RAPSN: variants seen among roughly 807,000 people sequenced by gnomAD.
The protein encoded by RAPSN is 43 kDa receptor-associated protein of the synapse.
A neutral mutation model predicts 45.7 loss-of-function variants in RAPSN; 33 were observed. That is an observed-to-expected ratio of 0.72 (90% CI 0.55 to 0.97). RAPSN has a LOEUF of 0.97. Among genes scored for constraint, RAPSN ranks in the 50% least tolerant of loss-of-function variants. RAPSN has a pLI of 0.00. For missense variants in RAPSN, 519 were observed against 559.4 expected, an observed-to-expected ratio of 0.93 and a Z score of 0.73; for synonymous variants, 244 against 233.6, an observed-to-expected ratio of 1.04 and a Z score of -0.40.
chr11:47,439,712 AT>A lies in RAPSN; in HGVS notation c.967-782del, dbSNP rs3972616. Among the ~76,000 whole-genome samples the A allele has an allele frequency of 1.2e-3, 152 of 127,256 alleles. 1 individual carries two copies. Among genetic ancestry groups the A allele is most frequent in the Middle Eastern group, 4.1e-3 (1 of 246 alleles). 83.5% of individuals were successfully genotyped at this position (127,256 alleles called of 152,430 possible). On this transcript the variant is annotated intron_variant, in intron 6 of 7. Coordinates refer to ENST00000298854, the MANE Select transcript of RAPSN (RefSeq NM_005055.5). ...TTAAGGTTTTAATAAGATTATGACG[AT>A]TTTTTTTTTTTTTTTTTTAGATGGA...
intron 6 of RAPSN, 121 bp downstream of exon 6, chr11:47,441,038 G>A: frequency 7.7e-7 from 1 of 1,293,848 alleles, no homozygotes; most frequent in Non-Finnish European, 1.1e-6. Flanking sequence ...GTTGGCTGCA[G>A]GCAGCTCCCA....
In RAPSN at chr11:47,437,907, G is replaced by T; in HGVS notation, c.*68C>A. The T allele has an allele frequency of 6.5e-7, 1 of 1,538,048 alleles. No homozygotes were observed. Among genetic ancestry groups the T allele is most frequent in the South Asian group, 1.2e-5 (1 of 83,808 alleles). Reference sequence around the variant, plus strand: ...CCTGGCAGCTGCCCCAGGAGTAAATGGGCCTCTGGCGTGCAGTGGAGAAAG... The same window carrying T: ...CCTGGCAGCTGCCCCAGGAGTAAATTGGCCTCTGGCGTGCAGTGGAGAAAG... On this transcript the variant is annotated 3_prime_UTR_variant, in exon 8 of 8. Coordinates refer to ENST00000298854, the MANE Select transcript of RAPSN (RefSeq NM_005055.5).
chr11:47,441,624 T>G lies in RAPSN; in HGVS notation c.899A>C (p.Lys300Thr). 1 of 1,607,554 alleles carries G rather than the reference T, an allele frequency of 6.2e-7. No homozygotes were observed. The highest frequency in any genetic ancestry group is 1.3e-5 in the African/African-American group (1 of 75,024). The change falls in exon 5 of 8, where the codon AAG (lysine) becomes ACG (threonine). Residue 300 changes from lysine to threonine, a missense_variant. Lys to Thr is a moderately conservative substitution (Grantham distance 78, BLOSUM62 -1). Transcript: ENST00000298854. ...LGVAKCWVARKALDKALDAIE... is the reference protein window; with the variant it reads ...LGVAKCWVARTALDKALDAIE... ...GCCCGACCTCACCTTGTCCAGCGCCTTCCTGGCCACCCAGCACTTGGCCAC... is the reference window on the plus strand; with the variant it reads ...GCCCGACCTCACCTTGTCCAGCGCCGTCCTGGCCACCCAGCACTTGGCCAC...
At position 47,439,082 on chromosome 11, in the gene RAPSN, G is replaced by A. The variant is rs1187390436; in HGVS notation, c.967-151C>T. The A allele has an allele frequency of 3.5e-6, 3 of 846,494 alleles. No individual in the cohort carries two copies. In the African/African-American group the frequency reaches 5.1e-5, roughly 14 times the overall value. 52.4% of individuals were successfully genotyped at this position (846,494 alleles called of 1,614,324 possible). ...GACCTTGCTTCCTTTCATGCAGAATGAGGCGGTGGGTGAGATCAGAAGACT... is the reference window on the plus strand; with the variant it reads ...GACCTTGCTTCCTTTCATGCAGAATAAGGCGGTGGGTGAGATCAGAAGACT... On this transcript the variant is annotated intron_variant, in intron 6 of 7. Transcript: ENST00000298854.
chr11:47,445,459 A>G (rs1262269286), intron 2 of RAPSN, among the ~76,000 whole-genome samples: 1 of 145,858 alleles, frequency 6.9e-6, no homozygotes. Flanking sequence ...AGCTGGGCAT[A>G]GTGGCGTGTG....
At position 47,441,890 on chromosome 11, in the gene RAPSN, TC is replaced by T; in HGVS notation, c.721del (p.Asp241ThrfsTer33). 6.3e-7 allele frequency: 1 copy of T among 1,590,084 alleles called. No homozygotes were observed. On this transcript the variant is annotated frameshift_variant, in exon 4 of 8. Coordinates refer to ENST00000298854, the MANE Select transcript of RAPSN (RefSeq NM_005055.5). LOFTEE classifies it high-confidence loss of function. ...CAGGCAGAGCGCCTGCAGTGGCCGG[TC>T]CCCGTGCTGCAGCGCGATCTTCATA... The part of the protein sequence containing the change: ...ESMKIALQHG[D>X]RPLQALCLLC...
chr11:47,440,181 G>A (rs988129073), intron 6 of RAPSN, among the ~76,000 whole-genome samples: 1 of 152,190 alleles, frequency 6.6e-6, no homozygotes, highest in Non-Finnish European at 1.5e-5. Context: ...GTAAAATGGG[G>A]CTTGCTGTAC....
At position 47,442,296 on chromosome 11, in the gene RAPSN, T is replaced by G. The variant is rs548829952; in HGVS notation, c.690+360A>C. ...TGCAGATGGATTGGAAGGGAGTGGG[T>G]TTGGGATGAGGCTGGGGGACAAATG... On this transcript the variant is annotated intron_variant, in intron 3 of 7. Transcript: ENST00000298854. 2.0e-5 allele frequency among the ~76,000 whole-genome samples: 3 copies of G among 152,124 alleles called. No individual in the cohort carries two copies. The South Asian group carries it at 6.2e-4, about 32-fold the overall frequency.
In RAPSN at chr11:47,448,810, G is replaced by T. The variant is rs746532181; in HGVS notation, c.155C>A (p.Ala52Asp). 1.2e-6 allele frequency: 2 copies of T among 1,613,164 alleles called. No individual in the cohort carries two copies. The highest frequency in any genetic ancestry group is 4.5e-5 in the East Asian group (2 of 44,876). ...RFRVLGCLVT[A>D]HSEMGRYKEM... ...CTTGTAGCGGCCCATCTCCGAGTGG[G>T]CTGTGACCAGGCAGCCCAGCACGCG... The change falls in exon 1 of 8, where the codon GCC becomes GAC. Residue 52 changes from alanine (A) to aspartate (D), a missense_variant. By Grantham distance (126) the Ala-to-Asp change is moderately radical. Transcript: ENST00000298854.
rs1398863765 is a variant in RAPSN, at chr11:47,449,057, C to G, written c.-93G>C. 6.7e-6 allele frequency: 10 copies of G among 1,502,840 alleles called. No homozygotes were observed. In the East Asian group the frequency reaches 2.3e-4, roughly 34 times the overall value. 93.1% of individuals were successfully genotyped at this position (1,502,840 alleles called of 1,614,324 possible). A position where few individuals can be genotyped will look rare whatever the true frequency, so the allele number is the denominator to read the frequency against. On this transcript the variant is annotated 5_prime_UTR_variant, in exon 1 of 8. Coordinates refer to ENST00000298854, the MANE Select transcript of RAPSN (RefSeq NM_005055.5). ...GCAGGAATCACAGTGCCAGCTGCCCCCCGAAACGTGGGAACAAAAGCAGCG... is the reference window on the plus strand; with the variant it reads ...GCAGGAATCACAGTGCCAGCTGCCCGCCGAAACGTGGGAACAAAAGCAGCG...
At chr11:47,448,697 G>T (rs1056717047) in intron 1 of RAPSN, 76 bp downstream of exon 1, 24 of 1,576,346 alleles carry the variant, frequency 1.5e-5, no homozygotes, top group Non-Finnish European at 2.0e-5. Flanking sequence ...CGAGGAGGCC[G>T]AGAGGGGACT....
At chr11:47,439,470 G>A (rs948113601) in intron 6 of RAPSN, among the ~76,000 whole-genome samples, 30 of 89,466 alleles carry the variant, frequency 3.4e-4, no homozygotes, top group Non-Finnish European at 6.6e-4. Flanking sequence ...GTGAAACTCC[G>A]TCTCAAAAAA....
chr11:47,448,203 G>A, intron 1 of RAPSN, 53 bp from the exon 2 acceptor site: 1 of 1,581,448 alleles, frequency 6.3e-7, no homozygotes. Context: ...CTGAGCCTTG[G>A]ACCCCAGCCT....
At chr11:47,440,927 C>A (rs1216219781) in intron 6 of RAPSN, among the ~76,000 whole-genome samples, 1 of 152,112 alleles carries the variant, frequency 6.6e-6, no homozygotes, top group East Asian at 1.9e-4. Context: ...TAATCAACAT[C>A]AGGAAGCTTC....
At chr11:47,443,931 C>CAAAAAAAAAAAAAAAA (rs1161231934) in intron 2 of RAPSN, among the ~76,000 whole-genome samples, 32 of 13,950 alleles carry the variant, frequency 2.3e-3, no homozygotes, top group Admixed American at 3.4e-3. Flanking sequence ...CTCTGTCTCA[C>CAAAAAAAAAAAAAAAA]AAAAAAAAAA....
intron 2 of RAPSN, 74 bp downstream of exon 2, chr11:47,447,738 G>A: frequency 4.1e-6 from 6 of 1,469,790 alleles, no homozygotes; most frequent in Non-Finnish European, 5.6e-6. Context: ...ATGAGGTAGT[G>A]CCACAGGGTG....
chr11:47,438,341 G>A, intron 7 of RAPSN: 1 of 573,690 alleles, frequency 1.7e-6, no homozygotes, highest in Non-Finnish European at 3.1e-6. Flanking sequence ...ACCTTTGAGG[G>A]GCCTCTCTGA....
At chr11:47,448,305 C>A (rs1262467516) in intron 1 of RAPSN, among the ~76,000 whole-genome samples, 155 bp from the exon 2 acceptor site, 2 of 151,920 alleles carry the variant, frequency 1.3e-5, no homozygotes, top group African/African-American at 4.8e-5. Context: ...AGACCCAGAG[C>A]TTCTACCCGC....
Position 47,447,790 on chromosome 11 carries a change from TC to T in RAPSN, c.531+21del, listed in dbSNP as rs773429219. ...GGAGCCCCAAAACCCTCCACTGCTGTCCCCCTGGGGTGCAGGCCCACCTTGA... is the reference window on the plus strand; with the variant it reads ...GGAGCCCCAAAACCCTCCACTGCTGTCCCCTGGGGTGCAGGCCCACCTTGA... On this transcript the variant is annotated intron_variant, in intron 2 of 7. Coordinates refer to ENST00000298854, the MANE Select transcript of RAPSN (RefSeq NM_005055.5). 21 of 1,600,022 alleles carry T rather than the reference TC, an allele frequency of 1.3e-5. No homozygotes were observed. The East Asian group carries it at 4.5e-4, about 35-fold the overall frequency.
Sources: gnomAD v4.1 joint callset for allele counts (sites outside exome capture counted in the v4.1 genomes callset) on GRCh38, gnomAD v4.1.1 for gene constraint, MANE v1.5 for transcripts, NCBI Gene and HGNC (gene_info 2026-07-23, HGNC 2026-07-21) for gene names.